PEAR1: variants seen among roughly 807,000 people sequenced by gnomAD.
PEAR1 encodes the protein multiple EGF-like domains protein 12.
In PEAR1, 113 loss-of-function variants were observed where a neutral mutation model predicts 131.2. The ratio of observed to expected loss-of-function variants is 0.86; its 90% CI spans 0.74 to 1.01. The LOEUF (loss-of-function observed/expected upper bound fraction) is 1.01. Among genes scored for constraint, PEAR1 ranks in the 50% least tolerant of loss-of-function variants. The pLI is 0.00. For synonymous variants in PEAR1, 565 were observed against 523.3 expected (o/e 1.08, Z -1.09); for missense variants, 1,408 against 1,391.1 (o/e 1.01, Z -0.19).
At chr1:156,904,083 C>T in intron 2 of PEAR1, 56 bp downstream of exon 2, 1 of 1,421,362 alleles carries the variant, frequency 7.0e-7, no homozygotes, top group South Asian at 1.1e-5. Context: ...CCGATTGTCC[C>T]TATTGTCCCT....
At position 156,907,621 on chromosome 1, in the gene PEAR1, C is replaced by A; in HGVS notation, c.656C>A (p.Ser219Tyr). ...ACTCTGTCCTGCAGCTGTGACGTGT[C>A]CTGTTCCCAGGGCACTTCTGGCTTC... is the stretch of plus-strand genomic sequence containing the variant. ...AERTGPSCDV[S>Y]CSQGTSGFFC... Residue 219 changes from serine (S) to tyrosine (Y), a missense_variant, in exon 7 of 23, where the codon TCC becomes TAC. By Grantham distance (144) the Ser-to-Tyr change is moderately radical. Transcript: ENST00000292357. 1.2e-6 allele frequency: 2 copies of A among 1,613,224 alleles called. No homozygotes were observed. Among genetic ancestry groups the A allele is most frequent in the Non-Finnish European group, 1.7e-6 (2 of 1,179,522 alleles).
In PEAR1 at chr1:156,905,356, T is replaced by C. The variant is rs779960070; in HGVS notation, c.239T>C (p.Val80Ala). Reference sequence around the variant, plus strand: ...TACCGGACCGTGTACCGTCAGGTGGTGAAGACGGACCACCGCCAGCGCCTG... The same window carrying C: ...TACCGGACCGTGTACCGTCAGGTGGCGAAGACGGACCACCGCCAGCGCCTG... ...VVYRTVYRQV[V>A]KTDHRQRLQC... The change falls in exon 4 of 23, where the codon GTG becomes GCG. Residue 80 changes from valine to alanine, a missense_variant. Val to Ala is a moderately conservative substitution (Grantham distance 64). Coordinates refer to ENST00000292357, the MANE Select transcript of PEAR1 (RefSeq NM_001080471.3). The C allele has an allele frequency of 1.9e-6, 3 of 1,612,062 alleles. No homozygotes were observed. In the South Asian group the frequency reaches 3.3e-5, roughly 18 times the overall value.
chr1:156,907,579 G>A, intron 6 of PEAR1, 31 bp from the exon 7 acceptor site: 10 of 1,590,012 alleles, frequency 6.3e-6, no homozygotes, highest in Non-Finnish European at 6.0e-6. Flanking sequence ...TTGCTTGTTT[G>A]CACATTGACT....
chr1:156,905,304 C>T lies in PEAR1; in HGVS notation c.207-20C>T, dbSNP rs776964843. On this transcript the variant is annotated intron_variant, in intron 3 of 22. Transcript: ENST00000292357. ...GCGGACAGCAGGGAGGGCTGAGGGC[C>T]GCCTTCCTGGCCTCCGCAGGGTTGT... The T allele has an allele frequency of 5.6e-6, 9 of 1,607,332 alleles. No homozygotes were observed. In the Admixed American group the frequency reaches 6.7e-5, roughly 12 times the overall value.
At chr1:156,895,867 G>T (rs1447217921) in intron 1 of PEAR1, among the ~76,000 whole-genome samples, 1 of 152,200 alleles carries the variant, frequency 6.6e-6, no homozygotes. Flanking sequence ...GATCTCTGGA[G>T]GCCAGGAGTT....
chr1:156,911,220 C>T (rs1189669091), intron 15 of PEAR1, among the ~76,000 whole-genome samples: 27 of 106,718 alleles, frequency 2.5e-4, no homozygotes, highest in African/African-American at 9.2e-4. Flanking sequence ...TTCTTTCTTT[C>T]CTTTCTTTCT....
chr1:156,909,162 C>T (rs1650747315), intron 11 of PEAR1, 126 bp downstream of exon 11: 1 of 1,273,808 alleles, frequency 7.9e-7, no homozygotes, highest in South Asian at 1.4e-5. Context: ...GGGGCAGCAG[C>T]TGGACACAGG....
chr1:156,899,305 G>A (rs1649451943), intron 1 of PEAR1, among the ~76,000 whole-genome samples: 1 of 152,172 alleles, frequency 6.6e-6, no homozygotes, highest in African/African-American at 2.4e-5. Flanking sequence ...GGAGGGGGCA[G>A]TCGGACCGAG....
At chr1:156,911,085 C>CT (rs71752469) in intron 15 of PEAR1, among the ~76,000 whole-genome samples, 1 of 120,582 alleles carries the variant, frequency 8.3e-6, no homozygotes. Context: ...TTCTTTCTTT[C>CT]TTTCTTTCCT....
chr1:156,901,439 GC>G (rs1649669369), intron 1 of PEAR1, among the ~76,000 whole-genome samples: 1 of 152,184 alleles, frequency 6.6e-6, no homozygotes, highest in African/African-American at 2.4e-5. Context: ...CCTTTTCTCG[GC>G]CCAACAACAG....
chr1:156,910,395 T>G lies in PEAR1; in HGVS notation c.1825+15T>G, dbSNP rs1237085646. 1 of 1,574,708 alleles carries G rather than the reference T, an allele frequency of 6.4e-7. No individual in the cohort carries two copies. The highest frequency in any genetic ancestry group is 1.3e-5 in the African/African-American group (1 of 74,206). On this transcript the variant is annotated intron_variant, in intron 14 of 22. Coordinates refer to ENST00000292357, the MANE Select transcript of PEAR1 (RefSeq NM_001080471.3). ...CTGCCAGAGATGTGAGGCTCCCTAC[T>G]GCCCCTTCCACCTGCCACCAGCAGG...
At chr1:156,895,578 T>G in intron 1 of PEAR1, among the ~76,000 whole-genome samples, 1 of 151,756 alleles carries the variant, frequency 6.6e-6, no homozygotes, top group African/African-American at 2.4e-5. Flanking sequence ...AAGACAGAGA[T>G]AGAGACAGAT....
At chr1:156,907,290 CT>C (rs1650436954) in intron 6 of PEAR1, among the ~76,000 whole-genome samples, 1 of 152,182 alleles carries the variant, frequency 6.6e-6, no homozygotes, top group Non-Finnish European at 1.5e-5. Flanking sequence ...TGTGGAGGCG[CT>C]CGTGGAGTTG....
At chr1:156,894,160 C>T (rs1340467742) in intron 1 of PEAR1, among the ~76,000 whole-genome samples, 3 of 152,332 alleles carry the variant, frequency 2.0e-5, no homozygotes, top group African/African-American at 7.2e-5. Context: ...CTCACTGCCC[C>T]CTCCCAGGGC....
chr1:156,901,757 C>T (rs1204158546), intron 1 of PEAR1, among the ~76,000 whole-genome samples: 1 of 152,076 alleles, frequency 6.6e-6, no homozygotes, highest in African/African-American at 2.4e-5. Context: ...GGGGTCCTGA[C>T]CAGGGCCCTG....
At chr1:156,897,618 G>A (rs535186976) in intron 1 of PEAR1, among the ~76,000 whole-genome samples, 13 of 152,356 alleles carry the variant, frequency 8.5e-5, no homozygotes, top group African/African-American at 2.6e-4. Flanking sequence ...AGCAACCCCC[G>A]GCCTCCTTGA....
rs1558142224 is a variant in PEAR1, at chr1:156,910,428, GTAGT to G, written c.1825+49_1825+52del. The G allele has an allele frequency of 1.9e-6, 3 of 1,554,376 alleles. No individual in the cohort carries two copies. In the Admixed American group the frequency reaches 5.5e-5, roughly 29 times the overall value. ...CCACCTGCCACCAGCAGGGGGCAGT[GTAGT>G]GTCAGCTGCCAGAGCACCCCTCCCC... On this transcript the variant is annotated intron_variant, in intron 14 of 22. Coordinates refer to ENST00000292357, the MANE Select transcript of PEAR1 (RefSeq NM_001080471.3).
At chr1:156,896,003 G>T (rs1254433308) in intron 1 of PEAR1, among the ~76,000 whole-genome samples, 1 of 152,164 alleles carries the variant, frequency 6.6e-6, no homozygotes, top group African/African-American at 2.4e-5. Context: ...GATCACTTGA[G>T]CCCAGGAGGT....
rs1186975241 is a variant in PEAR1, at chr1:156,910,269, T to C, written c.1714T>C (p.Trp572Arg). ...CCACCTGTCCTGCCCTGAGGGCTTA[T>C]GGGGAGTCAACTGTAGCAACACCTG... ...RCHLSCPEGL[W>R]GVNCSNTCTC... Residue 572 changes from tryptophan to arginine, a missense_variant, in exon 14 of 23, where the codon TGG becomes CGG. Physicochemically the swap from Trp to Arg is moderately radical, Grantham distance 101 (BLOSUM62 -3). Coordinates refer to ENST00000292357, the MANE Select transcript of PEAR1 (RefSeq NM_001080471.3). The C allele has an allele frequency of 1.2e-6, 2 of 1,613,348 alleles. No individual in the cohort carries two copies. Among genetic ancestry groups the C allele is most frequent in the Non-Finnish European group, 1.7e-6 (2 of 1,179,626 alleles).
Sources: allele counts gnomAD v4.1 joint callset (sites outside exome capture counted in the v4.1 genomes callset), GRCh38; gene constraint gnomAD v4.1.1; transcripts MANE v1.5; gene names NCBI Gene and HGNC (gene_info 2026-07-23, HGNC 2026-07-21).